GMCL1: variants seen among roughly 807,000 people sequenced by gnomAD.
GMCL1 encodes the protein germ cell-less protein-like 1.
In GMCL1, 54 loss-of-function variants were observed where a neutral mutation model predicts 75.5. The ratio of observed to expected loss-of-function variants is 0.71; its 90% CI spans 0.57 to 0.90. The LOEUF is 0.90. Among genes scored for constraint, GMCL1 ranks in the 40% least tolerant of loss-of-function variants. GMCL1 has a pLI of 0.00. For missense variants in GMCL1, 537 were observed against 622.7 expected, an observed-to-expected ratio of 0.86 and a Z score of 1.47; for synonymous variants, 210 against 209.6, an observed-to-expected ratio of 1.00 and a Z score of -0.02.
intron 1 of GMCL1, 65 bp from the exon 2 acceptor site, chr2:69,837,482 A>G: frequency 8.3e-7 from 1 of 1,204,092 alleles, no homozygotes; most frequent in Non-Finnish European, 1.1e-6. Flanking sequence ...ATTTAGAAAT[A>G]TATGCAAAAT....
chr2:69,857,912 A>C (rs1675525748), intron 9 of GMCL1, among the ~76,000 whole-genome samples: 1 of 152,206 alleles, frequency 6.6e-6, no homozygotes, highest in Admixed American at 6.5e-5. Flanking sequence ...CAAATTAGGA[A>C]GTATCTTTTT....
At chr2:69,838,999 G>C (rs2103953080) in intron 2 of GMCL1, among the ~76,000 whole-genome samples, 1 of 152,276 alleles carries the variant, frequency 6.6e-6, no homozygotes. Context: ...ACTTCATTCT[G>C]TACCTTTCCA....
At chr2:69,843,583 G>A (rs1334659208) in intron 5 of GMCL1, among the ~76,000 whole-genome samples, 1 of 152,116 alleles carries the variant, frequency 6.6e-6, no homozygotes, top group African/African-American at 2.4e-5. Context: ...GGGCCCAGGA[G>A]ATTAAGACCA....
At chr2:69,874,119 A>C (rs1245113247) in intron 13 of GMCL1, among the ~76,000 whole-genome samples, 1 of 152,106 alleles carries the variant, frequency 6.6e-6, no homozygotes, top group African/African-American at 2.4e-5. Context: ...TACTATAGGA[A>C]ATATACATAT....
chr2:69,862,363 G>A (rs1675679407), intron 10 of GMCL1, among the ~76,000 whole-genome samples: 4 of 152,124 alleles, frequency 2.6e-5, no homozygotes, highest in African/African-American at 9.6e-5. Context: ...AATTCATGAT[G>A]ATTATGTCAT....
intron 8 of GMCL1, 30 bp from the exon 9 acceptor site, chr2:69,854,793 T>C (rs1398246899): frequency 2.5e-6 from 4 of 1,586,730 alleles, no homozygotes. Context: ...TTGAAAAGAA[T>C]GGCTGTTTAA....
intron 1 of GMCL1, 124 bp from the exon 2 acceptor site, chr2:69,837,423 A>T: frequency 1.2e-6 from 1 of 801,068 alleles, no homozygotes; most frequent in Non-Finnish European, 1.9e-6. Context: ...CTATCCTTTT[A>T]CACAATAGGT....
At position 69,849,716 on chromosome 2, in the gene GMCL1, A is replaced by G. The variant is rs922761029; in HGVS notation, c.908A>G (p.Asp303Gly). ...GSLKQLLTET[D>G]VWFSKQRKDF... ...TTAAAACAGCTTTTGACAGAAACAG[A>G]TGTCTGGTTTTCTAAACAGAGGAAA... Residue 303 changes from aspartate (D) to glycine (G), a missense_variant, in exon 8 of 14, where the codon GAT becomes GGT. Around this residue, in one of 3 missense-constraint regions of GMCL1, gnomAD observed 345 missense variants for 410.5 expected, o/e 0.84. Coordinates refer to ENST00000282570, the MANE Select transcript of GMCL1 (RefSeq NM_178439.5). 4.4e-6 allele frequency: 7 copies of G among 1,592,648 alleles called. No homozygotes were observed. Among genetic ancestry groups the G allele is most frequent in the Non-Finnish European group, 6.0e-6 (7 of 1,170,962 alleles).
At chr2:69,867,676 G>A (rs1209566253) in intron 11 of GMCL1, among the ~76,000 whole-genome samples, 4 of 151,920 alleles carry the variant, frequency 2.6e-5, no homozygotes, top group Non-Finnish European at 5.9e-5. Context: ...AACTCACCTG[G>A]CTAAACCCCA....
At chr2:69,852,518 T>C (rs1675347047) in intron 8 of GMCL1, among the ~76,000 whole-genome samples, 2 of 151,268 alleles carry the variant, frequency 1.3e-5, no homozygotes, top group Admixed American at 1.3e-4. Context: ...CCCTCACTCG[T>C]TATATTTTGG....
chr2:69,859,742 T>TTAAAA (rs1553372489), intron 9 of GMCL1, among the ~76,000 whole-genome samples: 6 of 79,098 alleles, frequency 7.6e-5, no homozygotes, highest in Non-Finnish European at 1.1e-4. Context: ...TCTCTCTCTC[T>TTAAAA]AAAAAAAAAA....
At position 69,839,529 on chromosome 2, in the gene GMCL1, C is replaced by G; in HGVS notation, c.457C>G (p.Pro153Ala). The G allele has an allele frequency of 1.3e-6, 2 of 1,595,012 alleles. No individual in the cohort carries two copies. The highest frequency in any genetic ancestry group is 1.7e-6 in the Non-Finnish European group (2 of 1,163,988). Residue 153 changes from proline (P) to alanine (A), a missense_variant, in exon 3 of 14, where the codon CCT (proline) becomes GCT (alanine). Coordinates refer to ENST00000282570, the MANE Select transcript of GMCL1 (RefSeq NM_178439.5). ...CATGAATATTATTGAACTGGAGATT[C>G]CTGACCAGAACATTGATGTAGAAGG... Reference protein sequence around the residue: ...SSMNIIELEIPDQNIDVEALQ... With the variant: ...SSMNIIELEIADQNIDVEALQ...
chr2:69,843,230 G>C lies in GMCL1; in HGVS notation c.661G>C (p.Gly221Arg), dbSNP rs1381450962. The change falls in exon 5 of 14, where the codon GGG (glycine) becomes CGG (arginine). Residue 221 changes from glycine to arginine, a missense_variant. This residue lies in a region of GMCL1 where 345 missense variants were observed against 410.5 expected (regional missense o/e 0.84). Coordinates refer to ENST00000282570, the MANE Select transcript of GMCL1 (RefSeq NM_178439.5). ...TGTATGTGGCTATTACACATCAGCA[G>C]GGACCTATGGATTAGATTCTGTAAA... ...KTVCGYYTSA[G>R]TYGLDSVKKK... The C allele has an allele frequency of 3.7e-6, 6 of 1,603,924 alleles. No individual in the cohort carries two copies. The highest frequency in any genetic ancestry group is 4.3e-6 in the Non-Finnish European group (5 of 1,171,422).
chr2:69,850,030 C>G (rs1675267864), intron 8 of GMCL1, among the ~76,000 whole-genome samples: 1 of 152,166 alleles, frequency 6.6e-6, no homozygotes, highest in Admixed American at 6.5e-5. Flanking sequence ...TATTGTTTTT[C>G]CCATTTTATC....
intron 12 of GMCL1, among the ~76,000 whole-genome samples, chr2:69,870,580 G>C (rs1003610709): frequency 2.0e-5 from 3 of 152,084 alleles, no homozygotes; most frequent in African/African-American, 7.2e-5. Context: ...GCAACCCATG[G>C]AATGAGAGCA....
chr2:69,830,881 A>C (rs951273989), intron 1 of GMCL1, among the ~76,000 whole-genome samples: 11 of 150,788 alleles, frequency 7.3e-5, no homozygotes, highest in African/African-American at 2.7e-4. Flanking sequence ...TTTTGTTTTT[A>C]AAGGTTATTT....
chr2:69,876,148 A>G (rs1439540495), intron 13 of GMCL1, among the ~76,000 whole-genome samples: 2 of 152,240 alleles, frequency 1.3e-5, no homozygotes, highest in Non-Finnish European at 2.9e-5. Context: ...TCCGTCAGAC[A>G]GCAATGTGTA....
chr2:69,852,291 C>T (rs1417749337), intron 8 of GMCL1, among the ~76,000 whole-genome samples: 1 of 152,206 alleles, frequency 6.6e-6, no homozygotes, highest in African/African-American at 2.4e-5. Context: ...CTGTGGTCCA[C>T]TTCTGGATTC....
chr2:69,852,985 A>G lies in GMCL1; in HGVS notation c.935-1838A>G, dbSNP rs72899264. Among the ~76,000 whole-genome samples the G allele has an allele frequency of 4.3e-3, 658 of 152,336 alleles. 6 individuals carry two copies. The highest frequency in any genetic ancestry group is 0.015 in the African/African-American group (611 of 41,576). ...TGCTATTGAATTTGGCTGATGGAAT[A>G]AGTATGGCCACATGTTGTCCAGCAA... On this transcript the variant is annotated intron_variant, in intron 8 of 13. Coordinates refer to ENST00000282570, the MANE Select transcript of GMCL1 (RefSeq NM_178439.5).
Sources: gnomAD v4.1 joint callset for allele counts (sites outside exome capture counted in the v4.1 genomes callset) on GRCh38, gnomAD v4.1.1 for gene constraint, gnomAD v4.1.1 regional missense constraint, MANE v1.5 for transcripts, NCBI Gene and HGNC (gene_info 2026-07-23, HGNC 2026-07-21) for gene names.